BAG3: variants seen among roughly 807,000 people sequenced by gnomAD.
BAG3 encodes the protein BAG cochaperone 3.
In BAG3, 14 loss-of-function variants were observed where a neutral mutation model predicts 40.5. The ratio of observed to expected loss-of-function variants is 0.35; its 90% CI spans 0.23 to 0.54. BAG3 has a LOEUF of 0.54. Among genes scored for constraint, BAG3 ranks in the 20% least tolerant of loss-of-function variants. The pLI, the probability that BAG3 is intolerant of heterozygous loss-of-function variation, is 0.91. For missense variants in BAG3, 788 were observed against 758.6 expected (o/e 1.04, Z -0.46); for synonymous variants, 302 against 307.8 (o/e 0.98, Z 0.20).
chr10:119,665,498 T>TG (rs943363158), intron 1 of BAG3, among the ~76,000 whole-genome samples: 10 of 152,044 alleles, frequency 6.6e-5, no homozygotes, highest in African/African-American at 2.4e-4. Flanking sequence ...AGGCTGGTCT[T>TG]GAACTCCTGA....
intron 1 of BAG3, among the ~76,000 whole-genome samples, chr10:119,664,108 C>G (rs907552658): frequency 6.6e-6 from 1 of 152,168 alleles, no homozygotes; most frequent in South Asian, 2.1e-4. Flanking sequence ...CCTGCTGTTC[C>G]CTCAGCGCCC....
intron 2 of BAG3, among the ~76,000 whole-genome samples, chr10:119,670,493 C>T (rs1847135188): frequency 6.6e-6 from 1 of 152,264 alleles, no homozygotes; most frequent in Non-Finnish European, 1.5e-5. Context: ...GGGAGCAGAG[C>T]TGGGACCGGA....
chr10:119,669,448 G>A (rs192379609), intron 1 of BAG3, among the ~76,000 whole-genome samples: 235 of 152,276 alleles, frequency 1.5e-3, no homozygotes, highest in African/African-American at 5.5e-3. Flanking sequence ...AAACAGAGAC[G>A]CTTGCTGTAA....
intron 1 of BAG3, among the ~76,000 whole-genome samples, chr10:119,665,090 GTTT>G (rs1302496193): frequency 2.1e-4 from 22 of 105,884 alleles, no homozygotes; most frequent in African/African-American, 7.2e-4. Context: ...GCTAATTTTT[GTTT>G]GTGTGTGTGT....
At chr10:119,660,969 T>C (rs963204825) in intron 1 of BAG3, among the ~76,000 whole-genome samples, 1 of 152,224 alleles carries the variant, frequency 6.6e-6, no homozygotes, top group Non-Finnish European at 1.5e-5. Context: ...GGCACATGCC[T>C]GTAATCCCAG....
chr10:119,661,184 CG>C (rs1216752283), intron 1 of BAG3, among the ~76,000 whole-genome samples: 1 of 152,108 alleles, frequency 6.6e-6, no homozygotes, highest in Non-Finnish European at 1.5e-5. Flanking sequence ...TGCTTGAACT[CG>C]GGAGGCGGAG....
At chr10:119,654,566 G>C (rs1049677537) in intron 1 of BAG3, among the ~76,000 whole-genome samples, 5 of 152,250 alleles carry the variant, frequency 3.3e-5, no homozygotes, top group African/African-American at 1.2e-4. Flanking sequence ...AGTATCTTCT[G>C]TCATTGCTGA....
intron 3 of BAG3, among the ~76,000 whole-genome samples, chr10:119,674,529 A>C (rs1847192941): frequency 6.6e-6 from 1 of 152,202 alleles, no homozygotes; most frequent in African/African-American, 2.4e-5. Context: ...CCAGGATTTC[A>C]CCAAACTGAA....
intron 3 of BAG3, among the ~76,000 whole-genome samples, chr10:119,675,456 A>G (rs1847205133): frequency 6.6e-6 from 1 of 152,220 alleles, no homozygotes; most frequent in Admixed American, 6.5e-5. Context: ...GCTATCCTGA[A>G]GCAAAATTGT....
intron 3 of BAG3, among the ~76,000 whole-genome samples, chr10:119,675,778 T>TCCTTCCCTCCTTCCCG (rs1554877581): frequency 1.6e-5 from 1 of 61,484 alleles, no homozygotes; most frequent in African/African-American, 6.5e-5. Context: ...CCTCCTTCCC[T>TCCTTCCCTCCTTCCCG]CCCCCTCCCT....
In BAG3 at chr10:119,663,438, G is replaced by T. The variant is rs538770600; in HGVS notation, c.181-6413G>T. ...CATCATCAACTTCCTAAGCAGCTGG[G>T]ATTATGATGCCCACCGCCACGGCCA... On this transcript the variant is annotated intron_variant, in intron 1 of 3. Transcript: ENST00000369085. 3.9e-5 allele frequency among the ~76,000 whole-genome samples: 6 copies of T among 152,166 alleles called. No homozygotes were observed. In the South Asian group the frequency reaches 1.2e-3, roughly 32 times the overall value.
In BAG3 at chr10:119,669,821, C is replaced by T. The variant is rs370989537; in HGVS notation, c.181-30C>T. On this transcript the variant is annotated intron_variant, in intron 1 of 3. Coordinates refer to ENST00000369085, the MANE Select transcript of BAG3 (RefSeq NM_004281.4). ...GAGGGTTCACTTCCCAGTTTCTAAC[C>T]AGCCTGTGTTTCTCCACTTTTTATT... 5 of 1,604,040 alleles carry T rather than the reference C, an allele frequency of 3.1e-6. No individual in the cohort carries two copies. The African/African-American group carries it at 6.7e-5, about 21-fold the overall frequency.
At chr10:119,655,708 G>A (rs1846900921) in intron 1 of BAG3, among the ~76,000 whole-genome samples, 1 of 152,210 alleles carries the variant, frequency 6.6e-6, no homozygotes, top group African/African-American at 2.4e-5. Flanking sequence ...TTGGGGGGCA[G>A]ATGAACAGCA....
At chr10:119,656,378 CTTTT>C (rs34602155) in intron 1 of BAG3, among the ~76,000 whole-genome samples, 2 of 126,876 alleles carry the variant, frequency 1.6e-5, no homozygotes, top group African/African-American at 3.0e-5. Flanking sequence ...AGCTGGCCTT[CTTTT>C]TTTTTTTTTT....
intron 1 of BAG3, among the ~76,000 whole-genome samples, chr10:119,665,531 G>A (rs1783807196): frequency 1.3e-5 from 2 of 151,796 alleles, no homozygotes; most frequent in Admixed American, 6.6e-5. Flanking sequence ...CACCCGCCTC[G>A]GCCTCCCAAA....
At chr10:119,662,562 A>G (rs1333843921) in intron 1 of BAG3, among the ~76,000 whole-genome samples, 3 of 151,968 alleles carry the variant, frequency 2.0e-5, no homozygotes, top group African/African-American at 7.3e-5. Flanking sequence ...TGGCCTAAAA[A>G]CCCAGTTAAT....
intron 1 of BAG3, chr10:119,657,457 C>CA (rs1188508486): frequency 4.4e-6 from 2 of 453,932 alleles, no homozygotes; most frequent in Non-Finnish European, 9.2e-6. Context: ...TGATGCCTGG[C>CA]AGGGTCCACA....
At chr10:119,661,625 G>C (rs1255666976) in intron 1 of BAG3, among the ~76,000 whole-genome samples, 1 of 151,960 alleles carries the variant, frequency 6.6e-6, no homozygotes, top group Admixed American at 6.6e-5. Context: ...GTTTATTCCA[G>C]GATAAAATGT....
At chr10:119,652,414 ACT>A (rs1295681593) in intron 1 of BAG3, among the ~76,000 whole-genome samples, 1 of 152,040 alleles carries the variant, frequency 6.6e-6, no homozygotes, top group Non-Finnish European at 1.5e-5. Flanking sequence ...GCACCCAATG[ACT>A]CTGGAGGCTG....
Sources: gnomAD v4.1 joint callset for allele counts (sites outside exome capture counted in the v4.1 genomes callset) on GRCh38, gnomAD v4.1.1 for gene constraint, MANE v1.5 for transcripts, NCBI Gene and HGNC (gene_info 2026-07-23, HGNC 2026-07-21) for gene names.